Variants in TMEM132D observed in about 807,000 individuals in gnomAD.
TMEM132D encodes transmembrane protein 132D.
TMEM132D carries 21 observed loss-of-function variants against 62.3 expected under a neutral mutation model. That is an observed-to-expected ratio of 0.34 (90% CI 0.24 to 0.49). The LOEUF (loss-of-function observed/expected upper bound fraction) is 0.49. Among genes scored for constraint, TMEM132D ranks in the 20% least tolerant of loss-of-function variants. TMEM132D has a pLI of 0.99. For synonymous variants in TMEM132D, 621 were observed against 575.6 expected, an observed-to-expected ratio of 1.08 and a Z score of -1.13; for missense variants, 1,346 against 1,402.8, an observed-to-expected ratio of 0.96 and a Z score of 0.65.
chr12:129,859,445 A>G (rs946576971), intron 1 of TMEM132D, among the ~76,000 whole-genome samples: 2 of 152,220 alleles, frequency 1.3e-5, no homozygotes, highest in African/African-American at 4.8e-5. Flanking sequence ...TAAAATTACA[A>G]CATGTGATGG....
intron 2 of TMEM132D, among the ~76,000 whole-genome samples, chr12:129,552,234 C>T (rs1454685669): frequency 1.4e-5 from 2 of 145,508 alleles, no homozygotes; most frequent in East Asian, 4.2e-4. Context: ...AAGAAAGTAA[C>T]TTTGTAACTG....
At chr12:129,258,646 T>A (rs1344683826) in intron 4 of TMEM132D, among the ~76,000 whole-genome samples, 1 of 152,212 alleles carries the variant, frequency 6.6e-6, no homozygotes, top group Non-Finnish European at 1.5e-5. Flanking sequence ...AGTCACGTAA[T>A]ATGTGTGGCT....
chr12:129,678,714 G>A (rs919114955), intron 2 of TMEM132D, among the ~76,000 whole-genome samples: 4 of 152,112 alleles, frequency 2.6e-5, no homozygotes, highest in Admixed American at 1.3e-4. Flanking sequence ...TTCTCTCAGA[G>A]GATATAAAGA....
intron 2 of TMEM132D, among the ~76,000 whole-genome samples, chr12:129,673,736 T>G (rs1281931987): frequency 2.0e-5 from 3 of 152,176 alleles, no homozygotes; most frequent in Admixed American, 1.3e-4. Flanking sequence ...TGGAGCAATC[T>G]GCAATGTCCT....
chr12:129,197,472 G>C (rs557370210), intron 5 of TMEM132D, among the ~76,000 whole-genome samples: 1 of 152,182 alleles, frequency 6.6e-6, no homozygotes, highest in African/African-American at 2.4e-5. Flanking sequence ...GCAGAACAGA[G>C]AGCCTAGAAA....
intron 2 of TMEM132D, among the ~76,000 whole-genome samples, chr12:129,570,137 C>T (rs1203987973): frequency 6.6e-6 from 1 of 152,096 alleles, no homozygotes; most frequent in African/African-American, 2.4e-5. Context: ...TGTCAGCAGA[C>T]CAGTGAAGAT....
At chr12:129,199,702 GA>G (rs541805921) in intron 5 of TMEM132D, among the ~76,000 whole-genome samples, 38 of 152,254 alleles carry the variant, frequency 2.5e-4, no homozygotes, top group Middle Eastern at 3.4e-3. Flanking sequence ...GGTGTAGGAG[GA>G]GCAAAGGCAT....
In TMEM132D at chr12:129,074,267, G is replaced by A. The variant is rs558110794; in HGVS notation, c.2908C>T (p.Arg970Trp). ...HSHDWVGLSN[R>W]TELLENHINF... ...ATGTGATTCTCCAACAGCTCTGTCC[G>A]GTTGCTTAACCCAACCCAGTCATGA... Residue 970 changes from arginine to tryptophan, a missense_variant, in exon 9 of 9, where the codon CGG (arginine) becomes TGG (tryptophan). Physicochemically the swap from Arg to Trp is moderately radical, Grantham distance 101. Transcript: ENST00000422113. 1.2e-5 allele frequency: 20 copies of A among 1,613,970 alleles called. No individual in the cohort carries two copies. Among genetic ancestry groups the A allele is most frequent in the South Asian group, 5.5e-5 (5 of 91,064 alleles).
chr12:129,805,272 T>C (rs1471188436), intron 1 of TMEM132D, among the ~76,000 whole-genome samples: 1 of 152,046 alleles, frequency 6.6e-6, no homozygotes, highest in Non-Finnish European at 1.5e-5. Context: ...GGAGCCATCA[T>C]GCTACCTGAC....
At chr12:129,711,156 A>G (rs919951760) in intron 1 of TMEM132D, among the ~76,000 whole-genome samples, 18 of 152,136 alleles carry the variant, frequency 1.2e-4, no homozygotes, top group Admixed American at 1.3e-4. Flanking sequence ...GGCCCCCTAA[A>G]TACACTTGCA....
chr12:129,143,543 G>T (rs893302005), intron 5 of TMEM132D, among the ~76,000 whole-genome samples: 1 of 152,124 alleles, frequency 6.6e-6, no homozygotes, highest in African/African-American at 2.4e-5. Context: ...CCTCTGGCTG[G>T]TGAAAAATCG....
rs548478469 is a variant in TMEM132D at position 129,600,551 on chromosome 12, T to C, written c.969-69346A>G. ...CCCAAATCCATCAGAGGAATCACTA[T>C]CTCTGGCAGCCATAGCCTTATCAAA... On this transcript the variant is annotated intron_variant, in intron 2 of 8. Coordinates refer to ENST00000422113, the MANE Select transcript of TMEM132D (RefSeq NM_133448.3). Among the ~76,000 whole-genome samples the C allele has an allele frequency of 2.6e-5, 4 of 152,330 alleles. No homozygotes were observed. In the East Asian group the frequency reaches 7.7e-4, roughly 29 times the overall value.
chr12:129,491,191 C>A (rs962372168), intron 3 of TMEM132D, among the ~76,000 whole-genome samples: 2 of 152,110 alleles, frequency 1.3e-5, no homozygotes, highest in Non-Finnish European at 2.9e-5. Flanking sequence ...TCATGATGAG[C>A]GCTGAAAAGT....
chr12:129,409,856 G>C (rs918170032), intron 3 of TMEM132D, among the ~76,000 whole-genome samples: 3 of 152,202 alleles, frequency 2.0e-5, no homozygotes, highest in Admixed American at 6.5e-5. Flanking sequence ...ATGCTTGCAT[G>C]AGAAAGCTGT....
chr12:129,279,836 G>A (rs1335195468), intron 4 of TMEM132D, among the ~76,000 whole-genome samples: 1 of 152,200 alleles, frequency 6.6e-6, no homozygotes. Context: ...ACTTCTAAAT[G>A]ACATGACTTC....
At chr12:129,897,887 C>T (rs911397456) in intron 1 of TMEM132D, among the ~76,000 whole-genome samples, 1 of 152,172 alleles carries the variant, frequency 6.6e-6, no homozygotes, top group African/African-American at 2.4e-5. Context: ...CCTGACAAAC[C>T]GCCTGGTTTT....
chr12:129,463,106 T>C (rs910227345), intron 3 of TMEM132D, among the ~76,000 whole-genome samples: 13 of 152,212 alleles, frequency 8.5e-5, no homozygotes, highest in African/African-American at 2.7e-4. Flanking sequence ...TATCAGATTG[T>C]TCTGGAGAAG....
intron 4 of TMEM132D, among the ~76,000 whole-genome samples, chr12:129,229,193 G>A (rs1378605606): frequency 6.6e-6 from 1 of 152,132 alleles, no homozygotes; most frequent in Non-Finnish European, 1.5e-5. Flanking sequence ...CTCAGCTTCG[G>A]GTGTAACTTT....
At chr12:129,692,023 A>T (rs1593122115) in intron 2 of TMEM132D, among the ~76,000 whole-genome samples, 1 of 152,036 alleles carries the variant, frequency 6.6e-6, no homozygotes, top group East Asian at 1.9e-4. Context: ...ATTTACGAAC[A>T]TTTAAGATAT....
Sources: allele counts gnomAD v4.1 joint callset (sites outside exome capture counted in the v4.1 genomes callset), GRCh38; gene constraint gnomAD v4.1.1; transcripts MANE v1.5; gene names NCBI Gene and HGNC (gene_info 2026-07-23, HGNC 2026-07-21).